Variants in DCP2 observed in about 807,000 individuals in gnomAD.
DCP2 encodes the protein decapping mRNA 2, also known as m7GpppN-mRNA hydrolase.
Under a neutral mutation model 56.1 loss-of-function variants are expected in DCP2, and 30 were observed. That is an observed-to-expected ratio of 0.53 (90% CI 0.40 to 0.73). The LOEUF (loss-of-function observed/expected upper bound fraction) is 0.73, where lower values mean the gene tolerates loss of function less well. DCP2 is among the 30% of genes least tolerant of loss of function. DCP2 has a pLI of 0.00. For synonymous variants in DCP2, 197 were observed against 163.3 expected (o/e 1.21, Z -1.57); for missense variants, 533 against 502.7 (o/e 1.06, Z -0.58).
chr5:112,977,010 T>G (rs1466271604), intron 1 of DCP2, 24 bp downstream of exon 1: 3 of 1,485,572 alleles, frequency 2.0e-6, no homozygotes, highest in Middle Eastern at 1.8e-4. Context: ...CGACCCCCTT[T>G]CGCCCCCGTC....
intron 2 of DCP2, among the ~76,000 whole-genome samples, chr5:112,989,137 G>C (rs1372237053): frequency 6.6e-6 from 1 of 152,196 alleles, no homozygotes; most frequent in South Asian, 2.1e-4. Flanking sequence ...AATGATTACA[G>C]TGCAGTGTGG....
chr5:112,985,478 A>G (rs575126333), intron 1 of DCP2, among the ~76,000 whole-genome samples: 7 of 152,318 alleles, frequency 4.6e-5, no homozygotes, highest in African/African-American at 1.7e-4. Context: ...CAAACATTTT[A>G]AAATTGTATG....
In DCP2 at chr5:112,982,087, A is replaced by G. The variant is rs1162695741; in HGVS notation, c.54-3748A>G. The stretch of plus-strand genomic sequence containing the variant: ...CAGGCCCCTTCTGGCTATTCTTGAA[A>G]TCCATTTTTTTGAGGGGAGGGGACA... On this transcript the variant is annotated intron_variant, in intron 1 of 10. Transcript: ENST00000389063. Among the ~76,000 whole-genome samples, 4 of 152,184 alleles carry G rather than the reference A, an allele frequency of 2.6e-5. No individual in the cohort carries two copies. In the East Asian group the frequency reaches 7.7e-4, roughly 29 times the overall value.
chr5:112,987,696 A>G (rs1748365118), intron 2 of DCP2, among the ~76,000 whole-genome samples: 1 of 140,802 alleles, frequency 7.1e-6, no homozygotes, highest in African/African-American at 2.7e-5. Flanking sequence ...CTGGTCTCAA[A>G]CTCCTGCCGT....
chr5:112,979,211 G>C (rs1747881894), intron 1 of DCP2, among the ~76,000 whole-genome samples: 1 of 152,000 alleles, frequency 6.6e-6, no homozygotes, highest in African/African-American at 2.4e-5. Context: ...ACTGTTTTTG[G>C]CTGTATAAAT....
At chr5:112,993,422 C>T (rs1159671223) in intron 4 of DCP2, among the ~76,000 whole-genome samples, 2 of 151,832 alleles carry the variant, frequency 1.3e-5, no homozygotes, top group Non-Finnish European at 1.5e-5. Flanking sequence ...GTCAGGAGTT[C>T]GAGACCAGCC....
intron 1 of DCP2, among the ~76,000 whole-genome samples, 155 bp from the exon 2 acceptor site, chr5:112,985,680 A>G (rs540250550): frequency 6.6e-6 from 1 of 152,306 alleles, no homozygotes; most frequent in South Asian, 2.1e-4. Context: ...CATCTTCCCT[A>G]TAGTATTTCT....
intron 4 of DCP2, 100 bp from the exon 5 acceptor site, chr5:113,000,984 C>G: frequency 8.8e-7 from 1 of 1,140,630 alleles, no homozygotes; most frequent in East Asian, 2.5e-5. Context: ...AAATACAAGT[C>G]ATGTCCCCTT....
intron 7 of DCP2, 40 bp downstream of exon 7, chr5:113,001,714 T>A: frequency 6.4e-7 from 1 of 1,556,510 alleles, no homozygotes; most frequent in Non-Finnish European, 8.9e-7. Context: ...TTTCTAATAG[T>A]TTTTAAAAGT....
chr5:112,992,864 T>A, intron 4 of DCP2, 94 bp downstream of exon 4: 1 of 864,246 alleles, frequency 1.2e-6, no homozygotes, highest in Non-Finnish European at 1.6e-6. Flanking sequence ...TGGACTGTCT[T>A]AACCCTTTCC....
intron 4 of DCP2, among the ~76,000 whole-genome samples, chr5:112,996,233 G>T (rs1296480509): frequency 6.6e-6 from 1 of 152,186 alleles, no homozygotes; most frequent in Admixed American, 6.5e-5. Flanking sequence ...TATAAAAGAA[G>T]CTGCACGGCT....
intron 2 of DCP2, among the ~76,000 whole-genome samples, chr5:112,990,687 C>T (rs1748544599): frequency 6.6e-6 from 1 of 152,142 alleles, no homozygotes; most frequent in African/African-American, 2.4e-5. Flanking sequence ...AGCATTCCTC[C>T]TGCTTTGGCC....
intron 8 of DCP2, among the ~76,000 whole-genome samples, chr5:113,007,735 A>G (rs1749506073): frequency 1.3e-5 from 2 of 152,124 alleles, no homozygotes; most frequent in Non-Finnish European, 2.9e-5. Context: ...TGTATTTGCT[A>G]TTTCATACCT....
chr5:112,978,017 G>C (rs1197089780), intron 1 of DCP2, among the ~76,000 whole-genome samples: 1 of 151,564 alleles, frequency 6.6e-6, no homozygotes, highest in East Asian at 1.9e-4. Flanking sequence ...TCTTTCTTTT[G>C]CCCAGGCTGG....
At chr5:112,981,096 A>T (rs1252064642) in intron 1 of DCP2, among the ~76,000 whole-genome samples, 1 of 151,768 alleles carries the variant, frequency 6.6e-6, no homozygotes, top group South Asian at 2.1e-4. Context: ...GCAACTTCCA[A>T]CTCCTGGACT....
At chr5:113,005,559 G>GT (rs760811234) in intron 8 of DCP2, among the ~76,000 whole-genome samples, 59 of 152,340 alleles carry the variant, frequency 3.9e-4, no homozygotes, top group Non-Finnish European at 7.1e-4. Context: ...GCTGATGGGA[G>GT]TGTAAAATGG....
intron 4 of DCP2, among the ~76,000 whole-genome samples, chr5:112,993,401 G>A (rs767989312): frequency 4.3e-4 from 65 of 152,112 alleles, no homozygotes; most frequent in Middle Eastern, 6.8e-3. Context: ...GAGTCAGGCG[G>A]ATCACCTGAG....
In DCP2 at chr5:113,010,790, A is replaced by G; in HGVS notation, c.1082A>G (p.Gln361Arg). 1 of 1,597,716 alleles carries G rather than the reference A, an allele frequency of 6.3e-7. No individual in the cohort carries two copies. Among genetic ancestry groups the G allele is most frequent in the South Asian group, 1.1e-5 (1 of 87,506 alleles). ...CEKKLHPRKL[Q>R]DNFETDAVYD... ...AAGAAACTTCATCCACGGAAACTTC[A>G]GGATAATTTTGAAACAGGCAAGTCA... Residue 361 changes from glutamine (Q) to arginine (R), a missense_variant, in exon 10 of 11, where the codon CAG (glutamine) becomes CGG (arginine). Physicochemically the swap from Gln to Arg is conservative, Grantham distance 43. This residue lies in a region of DCP2 where 392 missense variants were observed against 346.6 expected (regional missense o/e 1.13). Coordinates refer to ENST00000389063, the MANE Select transcript of DCP2 (RefSeq NM_152624.6).
In DCP2 at chr5:113,021,311, G is replaced by A. The variant is rs191415378; in HGVS notation, c.*7827G>A. Among the ~76,000 whole-genome samples, 11 of 148,904 alleles carry A rather than the reference G, an allele frequency of 7.4e-5. No individual in the cohort carries two copies. Among genetic ancestry groups the A allele is most frequent in the Non-Finnish European group, 1.5e-4 (10 of 67,670 alleles). On this transcript the variant is annotated 3_prime_UTR_variant, in exon 11 of 11. Transcript: ENST00000389063. ...GACCCCGGGAGGCAGAGGTCGCAGT[G>A]AGCTGAGATCACACCACTGCACTCC...
Sources: allele counts gnomAD v4.1 joint callset (sites outside exome capture counted in the v4.1 genomes callset), GRCh38; gene constraint gnomAD v4.1.1; regional missense constraint gnomAD v4.1.1; transcripts MANE v1.5; gene names NCBI Gene and HGNC (gene_info 2026-07-23, HGNC 2026-07-21).